TMEM108: variants seen among roughly 807,000 people sequenced by gnomAD.
The protein encoded by TMEM108 is cancer/testis antigen 124.
TMEM108 carries 12 observed loss-of-function variants against 35.1 expected under a neutral mutation model. The observed-to-expected ratio is 0.34, with a 90% CI of 0.22 to 0.55. The LOEUF (loss-of-function observed/expected upper bound fraction) is 0.55, where lower values mean the gene tolerates loss of function less well. TMEM108 is among the 20% of genes least tolerant of loss of function. TMEM108 has a pLI of 0.89. For synonymous variants in TMEM108, 287 were observed against 308.6 expected, an observed-to-expected ratio of 0.93 and a Z score of 0.73; for missense variants, 680 against 753.3, an observed-to-expected ratio of 0.90 and a Z score of 1.14.
At chr3:133,057,466 T>TAG (rs1392435897) in intron 2 of TMEM108, among the ~76,000 whole-genome samples, 1 of 45,026 alleles carries the variant, frequency 2.2e-5, no homozygotes, top group African/African-American at 6.1e-5. Context: ...TATATATATA[T>TAG]ATATATATAT....
At chr3:133,168,689 C>T (rs547523558) in intron 2 of TMEM108, among the ~76,000 whole-genome samples, 1 of 152,292 alleles carries the variant, frequency 6.6e-6, no homozygotes, top group South Asian at 2.1e-4. Flanking sequence ...TAAAAGCTGG[C>T]CACCTGAGCC....
chr3:133,274,734 G>C (rs940811302), intron 3 of TMEM108, among the ~76,000 whole-genome samples: 3 of 152,138 alleles, frequency 2.0e-5, no homozygotes, highest in Non-Finnish European at 4.4e-5. Context: ...ATTTCCCTGG[G>C]TGACAAGTAT....
chr3:133,249,280 T>G (rs78393733), intron 3 of TMEM108, among the ~76,000 whole-genome samples: 16,781 of 152,164 alleles, frequency 0.11, 1,425 homozygotes, highest in East Asian at 0.38. Flanking sequence ...AGGAAATAAA[T>G]AAAGACGGAA....
chr3:133,052,666 C>T (rs1288128370), intron 2 of TMEM108, among the ~76,000 whole-genome samples: 3 of 151,350 alleles, frequency 2.0e-5, no homozygotes, highest in African/African-American at 7.3e-5. Context: ...TTAAAATGTT[C>T]TTTTCCTTTT....
At chr3:133,231,378 C>T (rs1299606452) in intron 3 of TMEM108, among the ~76,000 whole-genome samples, 1 of 152,146 alleles carries the variant, frequency 6.6e-6, no homozygotes, top group Non-Finnish European at 1.5e-5. Context: ...TTGAGCAGGG[C>T]TTAGCAGAAC....
At chr3:133,077,949 A>T (rs1265410552) in intron 2 of TMEM108, among the ~76,000 whole-genome samples, 2 of 152,152 alleles carry the variant, frequency 1.3e-5, no homozygotes, top group East Asian at 3.9e-4. Flanking sequence ...ATTCAGAGTG[A>T]TCACCCCAGA....
chr3:133,123,580 G>A (rs1944379791), intron 2 of TMEM108, among the ~76,000 whole-genome samples: 1 of 152,146 alleles, frequency 6.6e-6, no homozygotes, highest in African/African-American at 2.4e-5. Flanking sequence ...CTGTATTTGA[G>A]GTTCATTTAA....
At chr3:133,068,762 A>C (rs112662521) in intron 2 of TMEM108, among the ~76,000 whole-genome samples, 6,615 of 152,242 alleles carry the variant, frequency 0.043, 209 homozygotes, top group Admixed American at 0.079. Context: ...CTTGTCCTCT[A>C]GAAGTTGTTC....
chr3:133,220,150 C>G (rs193042789), intron 2 of TMEM108, among the ~76,000 whole-genome samples: 1 of 150,268 alleles, frequency 6.7e-6, no homozygotes, highest in Non-Finnish European at 1.5e-5. Context: ...TTACCCTGCT[C>G]TCTTTTTATT....
At chr3:133,318,543 T>TGCATGA (rs1370140309) in intron 3 of TMEM108, among the ~76,000 whole-genome samples, 1 of 152,214 alleles carries the variant, frequency 6.6e-6, no homozygotes, top group East Asian at 1.9e-4. Flanking sequence ...CTATGAACTT[T>TGCATGA]GCATGACACC....
At chr3:133,248,956 T>C (rs977223880) in intron 3 of TMEM108, among the ~76,000 whole-genome samples, 12 of 152,200 alleles carry the variant, frequency 7.9e-5, no homozygotes, top group African/African-American at 2.9e-4. Context: ...GATTAAAAGC[T>C]GCTACCTTTG....
At chr3:133,351,956 T>C (rs1338877967) in intron 3 of TMEM108, among the ~76,000 whole-genome samples, 3 of 152,180 alleles carry the variant, frequency 2.0e-5, no homozygotes, top group East Asian at 1.9e-4. Flanking sequence ...GTTGACTCCA[T>C]TGAGAAGCAA....
intron 2 of TMEM108, among the ~76,000 whole-genome samples, chr3:133,071,539 A>G (rs1943676309): frequency 6.6e-6 from 1 of 152,226 alleles, no homozygotes; most frequent in Non-Finnish European, 1.5e-5. Context: ...ATCATAGTTT[A>G]GCCCATAACA....
intron 3 of TMEM108, among the ~76,000 whole-genome samples, chr3:133,362,847 C>T (rs1222224982): frequency 6.6e-6 from 1 of 152,158 alleles, no homozygotes; most frequent in Non-Finnish European, 1.5e-5. Flanking sequence ...ATAAACACAC[C>T]TTTTGAGGTC....
intron 2 of TMEM108, among the ~76,000 whole-genome samples, chr3:133,078,677 A>G (rs939235370): frequency 6.6e-6 from 1 of 152,250 alleles, no homozygotes; most frequent in African/African-American, 2.4e-5. Flanking sequence ...TGAGATGTTT[A>G]ACTGGAGGAG....
At chr3:133,317,005 C>T (rs1020986921) in intron 3 of TMEM108, among the ~76,000 whole-genome samples, 3 of 152,148 alleles carry the variant, frequency 2.0e-5, no homozygotes, top group South Asian at 4.1e-4. Context: ...CATAAAAGAA[C>T]GCTACTGAAA....
At chr3:133,257,824 TTTTA>T (rs1416364311) in intron 3 of TMEM108, among the ~76,000 whole-genome samples, 3 of 152,166 alleles carry the variant, frequency 2.0e-5, no homozygotes, top group Admixed American at 1.3e-4. Flanking sequence ...GGCTTTTCTT[TTTTA>T]TTTTTCATGC....
At chr3:133,386,447 G>A (rs2073151589) in intron 4 of TMEM108, 1 of 1,536,056 alleles carries the variant, frequency 6.5e-7, no homozygotes, top group Admixed American at 2.0e-5. Context: ...CTGAAAGCAT[G>A]CCCTTCCACA....
At chr3:133,337,926 A>C (rs1385177526) in intron 3 of TMEM108, among the ~76,000 whole-genome samples, 2 of 152,200 alleles carry the variant, frequency 1.3e-5, no homozygotes, top group Non-Finnish European at 2.9e-5. Context: ...TGAAGAATGT[A>C]TCAGGGTCTT....
Sources: allele counts gnomAD v4.1 joint callset (sites outside exome capture counted in the v4.1 genomes callset), GRCh38; gene constraint gnomAD v4.1.1; transcripts MANE v1.5; gene names NCBI Gene and HGNC (gene_info 2026-07-23, HGNC 2026-07-21).